Variants in GRM4 observed in about 807,000 individuals in gnomAD.
GRM4 encodes the protein metabotropic glutamate receptor 4.
GRM4 carries 28 observed loss-of-function variants against 81.7 expected under a neutral mutation model. The observed-to-expected ratio is 0.34, with a 90% CI of 0.25 to 0.47. GRM4 has a LOEUF of 0.47. Ranked by LOEUF, GRM4 falls within the 20% of genes least tolerant of loss-of-function variation. The pLI is 1.00. For missense variants in GRM4, 948 were observed against 1,290.0 expected (o/e 0.73, Z 4.06); for synonymous variants, 488 against 528.8 (o/e 0.92, Z 1.06).
At chr6:34,103,147 C>T (rs957386803) in intron 2 of GRM4, among the ~76,000 whole-genome samples, 2 of 152,202 alleles carry the variant, frequency 1.3e-5, no homozygotes, top group African/African-American at 4.8e-5. Context: ...TCCCCATCCC[C>T]GGGTCCTGCC....
chr6:34,028,095 G>C, intron 10 of GRM4, 25 bp downstream of exon 10: 1 of 1,598,556 alleles, frequency 6.3e-7, no homozygotes. Context: ...GGGCCCGAGA[G>C]GGCAGAACGG....
intron 10 of GRM4, chr6:34,024,821 T>A: frequency 4.4e-6 from 2 of 451,780 alleles, no homozygotes; most frequent in South Asian, 1.6e-5. Context: ...TGGAAGAAAA[T>A]GGTGCCACAA....
chr6:34,062,334 A>C, intron 3 of GRM4: 1 of 303,472 alleles, frequency 3.3e-6, no homozygotes, highest in Non-Finnish European at 6.1e-6. Flanking sequence ...GCCTGGGTTC[A>C]AATCTCAGCT....
intron 2 of GRM4, among the ~76,000 whole-genome samples, chr6:34,124,482 C>T (rs1769940657): frequency 6.6e-6 from 1 of 152,260 alleles, no homozygotes; most frequent in Non-Finnish European, 1.5e-5. Context: ...TGCCTGCCGT[C>T]TCCCTCCAGT....
At chr6:34,144,902 C>G (rs1770860461) in intron 1 of GRM4, among the ~76,000 whole-genome samples, 1 of 152,114 alleles carries the variant, frequency 6.6e-6, no homozygotes, top group Non-Finnish European at 1.5e-5. Context: ...GGGAGACCCT[C>G]TAGTTCAGAT....
In GRM4 at chr6:34,068,121, A is replaced by G. The variant is rs141165142; in HGVS notation, c.737-6093T>C. Among the ~76,000 whole-genome samples, 2 of 152,324 alleles carry G rather than the reference A, an allele frequency of 1.3e-5. No homozygotes were observed. Among genetic ancestry groups the G allele is most frequent in the East Asian group, 3.9e-4 (2 of 5,180 alleles). Reference sequence around the variant, plus strand: ...CGTAAACATCCTGGAATCGGTGCAGAGGAGGACAGCAGCAGCATGACGTGC... The same window carrying G: ...CGTAAACATCCTGGAATCGGTGCAGGGGAGGACAGCAGCAGCATGACGTGC... On this transcript the variant is annotated intron_variant, in intron 3 of 10. Transcript: ENST00000538487. The surrounding 1 kb of genome is among the most constrained non-coding windows in gnomAD (Gnocchi z 4.2).
chr6:34,077,673 G>A (rs560634191), intron 3 of GRM4, among the ~76,000 whole-genome samples: 55 of 151,708 alleles, frequency 3.6e-4, no homozygotes, highest in South Asian at 2.3e-3. Context: ...AACAGCACCT[G>A]CAGTTTCCAA....
chr6:34,097,227 G>C (rs894454239), intron 2 of GRM4, among the ~76,000 whole-genome samples: 1 of 152,212 alleles, frequency 6.6e-6, no homozygotes, highest in African/African-American at 2.4e-5. Flanking sequence ...GTGTTGCAGA[G>C]TGGCCAGAGA....
At position 34,056,702 on chromosome 6, in the gene GRM4, C is replaced by A; in HGVS notation, c.1028-18G>T. The A allele has an allele frequency of 6.2e-7, 1 of 1,609,356 alleles. No individual in the cohort carries two copies. Among genetic ancestry groups the A allele is most frequent in the South Asian group, 1.1e-5 (1 of 90,830 alleles). ...GTCGAAGCCTGGCAGGGAACCAGGA[C>A]GTCAGGGCCTCACTGGCCTTCTTCC... On this transcript the variant is annotated intron_variant, in intron 5 of 10. Transcript: ENST00000538487.
intron 3 of GRM4, among the ~76,000 whole-genome samples, chr6:34,073,555 C>T (rs1226685599): frequency 6.6e-6 from 1 of 151,998 alleles, no homozygotes; most frequent in Admixed American, 6.6e-5. Flanking sequence ...ACACAGGTAA[C>T]CCTGGACAGT....
chr6:34,112,789 G>A (rs778406952), intron 2 of GRM4, among the ~76,000 whole-genome samples: 1 of 152,080 alleles, frequency 6.6e-6, no homozygotes, highest in African/African-American at 2.4e-5. Context: ...GAAACACCAA[G>A]AATGCGAGTG....
chr6:34,154,680 G>A (rs925766584), intron 1 of GRM4, among the ~76,000 whole-genome samples: 4 of 152,076 alleles, frequency 2.6e-5, no homozygotes, highest in African/African-American at 7.2e-5. Flanking sequence ...GCAGCAGCAG[G>A]AGGGCAGGGA....
intron 3 of GRM4, among the ~76,000 whole-genome samples, chr6:34,067,864 C>T (rs570708810): frequency 2.0e-5 from 3 of 152,158 alleles, no homozygotes; most frequent in African/African-American, 7.2e-5. Context: ...CCCCTAAGCA[C>T]CATTCTTCAG....
rs1581658646 is a variant in GRM4, at chr6:34,074,042, A to G, written c.737-12014T>C. ...GCCCTCCTCTTGCCTCTGAAACCCC[A>G]CCTCTGCCACCAGGCTCTCCATTCC... On this transcript the variant is annotated intron_variant, in intron 3 of 10. Transcript: ENST00000538487. The surrounding 1 kb of genome is among the most constrained non-coding windows in gnomAD (Gnocchi z 4.9). 6.6e-6 allele frequency among the ~76,000 whole-genome samples: 1 copy of G among 151,452 alleles called. No individual in the cohort carries two copies. The highest frequency in any genetic ancestry group is 1.5e-5 in the Non-Finnish European group (1 of 67,834).
At chr6:34,112,827 G>C (rs1222042539) in intron 2 of GRM4, among the ~76,000 whole-genome samples, 1 of 152,114 alleles carries the variant, frequency 6.6e-6, no homozygotes, top group Non-Finnish European at 1.5e-5. Flanking sequence ...GCACCTCTCG[G>C]CCAGGGATGC....
chr6:34,114,782 C>T lies in GRM4; in HGVS notation c.519+18196G>A, dbSNP rs1581712231. On this transcript the variant is annotated intron_variant, in intron 2 of 10. Transcript: ENST00000538487. The surrounding 1 kb of genome is among the most constrained non-coding windows in gnomAD (Gnocchi z 4.3). ...TGTACCCCCTCACAGCCCTCCCATA[C>T]CCCAGTTTGAGCTGTGGCAAATCAC... Among the ~76,000 whole-genome samples the T allele has an allele frequency of 6.6e-6, 1 of 152,122 alleles. No homozygotes were observed. Among genetic ancestry groups the T allele is most frequent in the Non-Finnish European group, 1.5e-5 (1 of 68,030 alleles).
At chr6:34,141,082 CAG>C (rs897735043) in intron 1 of GRM4, among the ~76,000 whole-genome samples, 144 of 152,356 alleles carry the variant, frequency 9.5e-4, no homozygotes, top group African/African-American at 3.3e-3. Flanking sequence ...GTAGCAATGA[CAG>C]AGTTTTTACT....
At chr6:34,105,047 T>C (rs1769050933) in intron 2 of GRM4, among the ~76,000 whole-genome samples, 1 of 152,180 alleles carries the variant, frequency 6.6e-6, no homozygotes, top group Non-Finnish European at 1.5e-5. Context: ...AAATTAACCA[T>C]GGTGTCTGCC....
intron 3 of GRM4, chr6:34,063,245 C>G (rs1409981625): frequency 6.6e-6 from 1 of 152,296 alleles, no homozygotes; most frequent in Non-Finnish European, 1.5e-5. Flanking sequence ...TCAGAAAACT[C>G]TGGGTGGAGC....
Sources: gnomAD v4.1 joint callset for allele counts (sites outside exome capture counted in the v4.1 genomes callset) on GRCh38, gnomAD v4.1.1 for gene constraint, Gnocchi (gnomAD v3.1) non-coding constraint, MANE v1.5 for transcripts, NCBI Gene and HGNC (gene_info 2026-07-23, HGNC 2026-07-21) for gene names.